CADM2: variants seen among roughly 807,000 people sequenced by gnomAD.
CADM2 encodes immunoglobulin superfamily member 4D.
Under a neutral mutation model 49.8 loss-of-function variants are expected in CADM2, and 12 were observed. That is an observed-to-expected ratio of 0.24 (90% CI 0.15 to 0.39). CADM2 has a LOEUF of 0.39. CADM2 is among the 10% of genes least tolerant of loss of function. The probability of loss-of-function intolerance (pLI) is 1.00; values close to 1 mark genes in which losing one functional copy is unlikely to be tolerated. For missense variants in CADM2, 378 were observed against 492.3 expected, an observed-to-expected ratio of 0.77 and a Z score of 2.20; for synonymous variants, 214 against 175.4, an observed-to-expected ratio of 1.22 and a Z score of -1.74.
intron 2 of CADM2, among the ~76,000 whole-genome samples, chr3:85,791,681 G>A (rs1217645403): frequency 1.3e-5 from 2 of 151,952 alleles, no homozygotes; most frequent in Admixed American, 6.6e-5. Flanking sequence ...AACATGTGTT[G>A]CCTCTTTCAT....
At chr3:86,057,704 G>A (rs910426385) in intron 8 of CADM2, among the ~76,000 whole-genome samples, 3 of 152,124 alleles carry the variant, frequency 2.0e-5, no homozygotes, top group Admixed American at 2.0e-4. Context: ...AAGGATAATT[G>A]ACAGAGACTG....
intron 1 of CADM2, among the ~76,000 whole-genome samples, chr3:85,215,923 A>G (rs1010092494): frequency 2.2e-4 from 34 of 152,156 alleles, no homozygotes; most frequent in African/African-American, 7.7e-4. Flanking sequence ...CTCTCCCCAC[A>G]CCATGCAGAC....
At chr3:85,329,285 C>T (rs910041827) in intron 1 of CADM2, among the ~76,000 whole-genome samples, 2 of 151,950 alleles carry the variant, frequency 1.3e-5, no homozygotes, top group Non-Finnish European at 2.9e-5. Context: ...GCCTGTAATC[C>T]CAGCACTTTC....
At chr3:85,103,640 A>G (rs1264727571) in intron 1 of CADM2, among the ~76,000 whole-genome samples, 1 of 152,224 alleles carries the variant, frequency 6.6e-6, no homozygotes, top group Non-Finnish European at 1.5e-5. Flanking sequence ...ATGGAAAATC[A>G]TGAAATTTTC....
chr3:85,636,813 T>A (rs1228847605), intron 1 of CADM2, among the ~76,000 whole-genome samples: 2 of 152,208 alleles, frequency 1.3e-5, no homozygotes, highest in African/African-American at 4.8e-5. Context: ...TACAATAACA[T>A]GCTGTATAAG....
rs149608189 is a variant in CADM2, at chr3:85,961,640, T to C, written c.963T>C (p.Ile321=). The change falls in exon 8 of 10, where the codon ATT becomes ATC. Residue 321 remains isoleucine (I), a synonymous_variant. Transcript: ENST00000383699. ...AAAGCAGTGCGGAATATGTTCTCAT[T>C]GTGCATGGTGAGTAAATTTTGGAAA... ...IGQSSAEYVL[I]VHDPNALAGQ... 2.1e-4 allele frequency: 321 copies of C among 1,534,656 alleles called. 1 individual carries two copies. Among genetic ancestry groups the C allele is most frequent in the Middle Eastern group, 1.7e-4 (1 of 5,746 alleles).
chr3:85,526,884 G>A (rs1350200143), intron 1 of CADM2, among the ~76,000 whole-genome samples: 1 of 152,136 alleles, frequency 6.6e-6, no homozygotes, highest in East Asian at 1.9e-4. Flanking sequence ...AATTATGGCT[G>A]AATTTACAAA....
At chr3:85,593,540 T>C (rs1030279644) in intron 1 of CADM2, among the ~76,000 whole-genome samples, 1 of 152,016 alleles carries the variant, frequency 6.6e-6, no homozygotes, top group African/African-American at 2.4e-5. Context: ...AAGTGTGAAC[T>C]AAAGAATTGT....
intron 1 of CADM2, among the ~76,000 whole-genome samples, chr3:85,333,366 G>C (rs747935192): frequency 1.6e-4 from 25 of 151,740 alleles, no homozygotes; most frequent in Admixed American, 5.3e-4. Context: ...GAAAAAAAAT[G>C]TTAGATAAGT....
chr3:85,584,530 C>T (rs565357930), intron 1 of CADM2, among the ~76,000 whole-genome samples: 6 of 151,992 alleles, frequency 3.9e-5, no homozygotes, highest in South Asian at 2.1e-4. Flanking sequence ...ATTAAATTTC[C>T]CAAGTTTCCT....
chr3:85,057,147 T>C (rs1345635205), intron 1 of CADM2, among the ~76,000 whole-genome samples: 2 of 152,156 alleles, frequency 1.3e-5, no homozygotes, highest in African/African-American at 2.4e-5. Flanking sequence ...CAACAACTTA[T>C]ATGTGAGTAC....
At chr3:85,416,331 C>A (rs2035919059) in intron 1 of CADM2, among the ~76,000 whole-genome samples, 1 of 151,938 alleles carries the variant, frequency 6.6e-6, no homozygotes, top group African/African-American at 2.4e-5. Context: ...TAATCAAAGA[C>A]AATTATATTT....
intron 1 of CADM2, among the ~76,000 whole-genome samples, chr3:85,607,679 T>C (rs2063570765): frequency 6.6e-6 from 1 of 151,798 alleles, no homozygotes; most frequent in Non-Finnish European, 1.5e-5. Context: ...TTCTCTGAGA[T>C]GGAATCTTGC....
At chr3:85,959,066 ATATATCTATATAGC>A (rs1429168074) in intron 7 of CADM2, among the ~76,000 whole-genome samples, 1 of 106,610 alleles carries the variant, frequency 9.4e-6, no homozygotes, top group Non-Finnish European at 1.7e-5. Context: ...ATCTATATCT[ATATATCTATATAGC>A]TATATCTATA....
chr3:85,761,153 A>G (rs1460330662), intron 2 of CADM2, among the ~76,000 whole-genome samples: 1 of 152,116 alleles, frequency 6.6e-6, no homozygotes, highest in African/African-American at 2.4e-5. Context: ...ACTGAGCCAC[A>G]GAGTATTATC....
At chr3:85,118,696 G>A (rs2038736298) in intron 1 of CADM2, among the ~76,000 whole-genome samples, 1 of 152,072 alleles carries the variant, frequency 6.6e-6, no homozygotes, top group Non-Finnish European at 1.5e-5. Context: ...ATATCACCAT[G>A]TTTTTATGAA....
rs1559716313 is a variant in CADM2, at chr3:85,199,369, A to AGAGAGAGAGAGAG, written c.61+239701_61+239702insGAGAGAGAGAGAG. ...TGTGTGTGTGTGTGTGTGTGTGTGT[A>AGAGAGAGAGAGAG]TGAGAGAGAGAGAGAGAGAGAAGCC... is the stretch of plus-strand genomic sequence containing the variant. On this transcript the variant is annotated intron_variant, in intron 1 of 9. Coordinates refer to ENST00000383699, the MANE Select transcript of CADM2 (RefSeq NM_001167675.2). 2.4e-3 allele frequency among the ~76,000 whole-genome samples: 224 copies of AGAGAGAGAGAGAG among 92,016 alleles called. 4 individuals are homozygous for AGAGAGAGAGAGAG. The highest frequency in any genetic ancestry group is 7.8e-3 in the African/African-American group (212 of 27,318). The allele number at this position is 92,016 out of a possible 152,430, so 60.4% of individuals were successfully genotyped here. A position where few individuals can be genotyped will look rare whatever the true frequency, so the allele number is the denominator to read the frequency against.
chr3:86,062,806 ATT>A (rs568421571), intron 8 of CADM2, among the ~76,000 whole-genome samples: 20 of 142,868 alleles, frequency 1.4e-4, no homozygotes, highest in Admixed American at 4.2e-4. Flanking sequence ...GTGTATTGTT[ATT>A]TTTTTTTTTT....
chr3:85,361,405 G>A (rs2032351524), intron 1 of CADM2, among the ~76,000 whole-genome samples: 1 of 152,010 alleles, frequency 6.6e-6, no homozygotes, highest in South Asian at 2.1e-4. Context: ...GAAAACTCAG[G>A]GGCTGCCTTA....
Sources: allele counts gnomAD v4.1 joint callset (sites outside exome capture counted in the v4.1 genomes callset), GRCh38; gene constraint gnomAD v4.1.1; transcripts MANE v1.5; gene names NCBI Gene and HGNC (gene_info 2026-07-23, HGNC 2026-07-21).